Variants in HOMER1 observed in about 807,000 individuals in gnomAD.
HOMER1 encodes homer protein homolog 1.
Under a neutral mutation model 48.9 loss-of-function variants are expected in HOMER1, and 3 were observed. The observed-to-expected ratio is 0.06, with a 90% CI of 0.03 to 0.16. The LOEUF (loss-of-function observed/expected upper bound fraction) is 0.16. Among genes scored for constraint, HOMER1 ranks in the 10% least tolerant of loss-of-function variants. The pLI is 1.00. For missense variants in HOMER1, 247 were observed against 411.4 expected, an observed-to-expected ratio of 0.60 and a Z score of 3.46; for synonymous variants, 134 against 146.4, an observed-to-expected ratio of 0.92 and a Z score of 0.61.
chr5:79,456,748 G>A, intron 2 of HOMER1, 114 bp downstream of exon 2: 1 of 927,540 alleles, frequency 1.1e-6, no homozygotes, highest in Non-Finnish European at 1.6e-6. Context: ...AAAGTTTTAA[G>A]AACTCAAAAG....
chr5:79,471,040 A>G (rs939951585), intron 1 of HOMER1, among the ~76,000 whole-genome samples: 2 of 151,546 alleles, frequency 1.3e-5, no homozygotes, highest in East Asian at 1.9e-4. Context: ...ATACTCTAGG[A>G]AAAAAAAAGT....
intron 1 of HOMER1, among the ~76,000 whole-genome samples, chr5:79,490,108 C>G (rs1172280910): frequency 1.3e-5 from 2 of 152,292 alleles, no homozygotes; most frequent in Admixed American, 6.5e-5. Context: ...CTATTAAGTC[C>G]ACTGCTGTCA....
At chr5:79,392,954 G>GGAGAGAGAGAGA (rs3082001) in intron 8 of HOMER1, among the ~76,000 whole-genome samples, 4,235 of 140,800 alleles carry the variant, frequency 0.03, 83 homozygotes, top group Admixed American at 0.048. Context: ...GAAGGGAAAG[G>GGAGAGAGAGAGA]GAGAGAGAGA....
intron 4 of HOMER1, 50 bp downstream of exon 4, chr5:79,447,003 T>G (rs367588224): frequency 8.1e-6 from 9 of 1,108,978 alleles, no homozygotes; most frequent in Non-Finnish European, 1.2e-5. Context: ...TGAAGGATAT[T>G]ATCTGAAATG....
chr5:79,484,218 A>G (rs1203612763), intron 1 of HOMER1, among the ~76,000 whole-genome samples: 1 of 152,166 alleles, frequency 6.6e-6, no homozygotes, highest in Admixed American at 6.6e-5. Context: ...TATAAACCCT[A>G]AAGAATCATT....
chr5:79,471,096 C>A lies in HOMER1; in HGVS notation c.6-14078G>T, dbSNP rs141353067. Among the ~76,000 whole-genome samples the A allele has an allele frequency of 2.6e-4, 40 of 152,206 alleles. 1 individual carries two copies. The East Asian group carries it at 7.7e-3, about 29-fold the overall frequency. On this transcript the variant is annotated intron_variant, in intron 1 of 8. Transcript: ENST00000334082. ...AGCAAGCACGACAAAATGCAGATGGCTGTTAAAGTGGGTTGGATGGTGAGT... is the reference window on the plus strand; with the variant it reads ...AGCAAGCACGACAAAATGCAGATGGATGTTAAAGTGGGTTGGATGGTGAGT...
intron 8 of HOMER1, among the ~76,000 whole-genome samples, chr5:79,379,494 A>G (rs1462352941): frequency 2.3e-5 from 3 of 130,392 alleles, no homozygotes; most frequent in Non-Finnish European, 3.1e-5. Context: ...AAATATATAA[A>G]TATTTATATA....
chr5:79,390,089 C>A (rs1749210968), intron 8 of HOMER1, among the ~76,000 whole-genome samples: 1 of 152,102 alleles, frequency 6.6e-6, no homozygotes, highest in Non-Finnish European at 1.5e-5. Flanking sequence ...AGTTCAAGAC[C>A]AGCCTAGGCA....
chr5:79,382,460 C>T (rs1023824801), intron 8 of HOMER1, among the ~76,000 whole-genome samples: 20 of 152,180 alleles, frequency 1.3e-4, no homozygotes, highest in Admixed American at 3.9e-4. Flanking sequence ...CATTTCTCAG[C>T]AGAAACCTCA....
At chr5:79,379,478 A>AT (rs1007977638) in intron 8 of HOMER1, among the ~76,000 whole-genome samples, 22 of 124,522 alleles carry the variant, frequency 1.8e-4, no homozygotes, top group African/African-American at 6.4e-4. Flanking sequence ...TTATATATAA[A>AT]TATATAAATA....
In HOMER1 at chr5:79,495,830, A is replaced by G. The variant is rs908028694; in HGVS notation, c.5+16940T>C. The stretch of plus-strand genomic sequence containing the variant: ...CCAAATTCCAATCAATTAACTGTCA[A>G]CAGTGTCAACACATTCTGAAAGATG... On this transcript the variant is annotated intron_variant, in intron 1 of 8. Transcript: ENST00000334082. Among the ~76,000 whole-genome samples, 44 of 152,340 alleles carry G rather than the reference A, an allele frequency of 2.9e-4. 1 individual carries two copies. The highest frequency in any genetic ancestry group is 1.0e-3 in the African/African-American group (42 of 41,588).
chr5:79,438,746 T>C (rs1258618275), intron 5 of HOMER1, among the ~76,000 whole-genome samples: 1 of 152,178 alleles, frequency 6.6e-6, no homozygotes, highest in Non-Finnish European at 1.5e-5. Context: ...GAAAAACAAT[T>C]TGTACTGTAA....
At chr5:79,494,830 T>C (rs1026545400) in intron 1 of HOMER1, among the ~76,000 whole-genome samples, 5 of 152,150 alleles carry the variant, frequency 3.3e-5, no homozygotes, top group African/African-American at 9.7e-5. Flanking sequence ...GATCGTGCCA[T>C]TGCACTCCAG....
At chr5:79,498,500 A>G (rs1422589643) in intron 1 of HOMER1, among the ~76,000 whole-genome samples, 4 of 152,232 alleles carry the variant, frequency 2.6e-5, no homozygotes, top group Non-Finnish European at 5.9e-5. Flanking sequence ...ATAAGGGATC[A>G]GGCTTCAGAT....
chr5:79,403,445 G>A (rs1485673212), intron 5 of HOMER1, among the ~76,000 whole-genome samples: 2 of 152,138 alleles, frequency 1.3e-5, no homozygotes, highest in African/African-American at 4.8e-5. Flanking sequence ...ATGATGTACA[G>A]AGAATGACAC....
In HOMER1 at chr5:79,439,141, T is replaced by A. The variant is rs1580452170; in HGVS notation, c.396A>T (p.Ala132=). The change falls in exon 5 of 9, where the codon GCA becomes GCT. Residue 132 remains alanine, a synonymous_variant. Coordinates refer to ENST00000334082, the MANE Select transcript of HOMER1 (RefSeq NM_004272.5). The part of the protein sequence containing the change: ...ELTSTPSQES[A]GGDLQSPLTP... ...TTAAAGGAGACTGAAGATCCCCGCC[T>A]GCGGATTCCTTTAAAAAAAGGGGTG... The A allele has an allele frequency of 1.2e-6, 2 of 1,613,894 alleles. No homozygotes were observed.
At chr5:79,388,607 A>C (rs1172427200) in intron 8 of HOMER1, among the ~76,000 whole-genome samples, 1 of 152,180 alleles carries the variant, frequency 6.6e-6, no homozygotes, top group Non-Finnish European at 1.5e-5. Context: ...ATATTGAAAA[A>C]CTTAGAATAG....
At chr5:79,494,939 C>A (rs1308718688) in intron 1 of HOMER1, among the ~76,000 whole-genome samples, 1 of 152,200 alleles carries the variant, frequency 6.6e-6, no homozygotes, top group African/African-American at 2.4e-5. Context: ...ATGGTAATAA[C>A]TACCAACTTA....
intron 1 of HOMER1, among the ~76,000 whole-genome samples, chr5:79,496,954 T>C (rs1275292442): frequency 6.7e-6 from 1 of 149,070 alleles, no homozygotes; most frequent in Non-Finnish European, 1.5e-5. Flanking sequence ...TAGTCCCAGC[T>C]ACTTGGGAGG....
Sources: allele counts gnomAD v4.1 joint callset (sites outside exome capture counted in the v4.1 genomes callset), GRCh38; gene constraint gnomAD v4.1.1; transcripts MANE v1.5; gene names NCBI Gene and HGNC (gene_info 2026-07-23, HGNC 2026-07-21).